Variants in WWOX observed in about 807,000 individuals in gnomAD.
WWOX encodes WW domain-containing oxidoreductase.
In WWOX, 69 loss-of-function variants were observed where a neutral mutation model predicts 46.2. The observed-to-expected ratio is 1.49, with a 90% CI of 1.23 to 1.82. The LOEUF (loss-of-function observed/expected upper bound fraction) is 1.82, where lower values mean the gene tolerates loss of function less well. Among genes scored for constraint, WWOX ranks in the 40% most tolerant of loss-of-function variants. WWOX has a pLI of 0.00. For missense variants in WWOX, 919 were observed against 542.6 expected, an observed-to-expected ratio of 1.69 and a Z score of -6.89; for synonymous variants, 359 against 202.6, an observed-to-expected ratio of 1.77 and a Z score of -6.56.
At chr16:78,435,978 T>C (rs1355421524) in intron 8 of WWOX, among the ~76,000 whole-genome samples, 2 of 152,208 alleles carry the variant, frequency 1.3e-5, no homozygotes, top group Non-Finnish European at 2.9e-5. Context: ...ATGTGGCTAA[T>C]AGAACTGAGG....
chr16:78,761,840 C>T (rs945408254), intron 8 of WWOX, among the ~76,000 whole-genome samples: 1 of 152,146 alleles, frequency 6.6e-6, no homozygotes, highest in Non-Finnish European at 1.5e-5. Context: ...GCTGACCCGA[C>T]ATAGACTAAC....
intron 8 of WWOX, among the ~76,000 whole-genome samples, chr16:78,841,194 C>G (rs550121460): frequency 1.3e-5 from 2 of 152,290 alleles, no homozygotes; most frequent in East Asian, 1.9e-4. Flanking sequence ...CAGGGGCCTT[C>G]TAAATCAAGG....
intron 8 of WWOX, among the ~76,000 whole-genome samples, chr16:78,550,113 A>C (rs1022375030): frequency 3.9e-5 from 6 of 152,186 alleles, no homozygotes; most frequent in Non-Finnish European, 5.9e-5. Flanking sequence ...AATCTTTAAA[A>C]ATTTCTTTGG....
chr16:78,755,137 G>C (rs113504215), intron 8 of WWOX, among the ~76,000 whole-genome samples: 1 of 150,272 alleles, frequency 6.7e-6, no homozygotes, highest in African/African-American at 2.5e-5. Flanking sequence ...GATAGGTGCA[G>C]CAAACCACCA....
intron 6 of WWOX, among the ~76,000 whole-genome samples, chr16:78,410,504 G>T (rs2082654522): frequency 6.6e-6 from 1 of 152,030 alleles, no homozygotes. Context: ...TCTTTCTTGG[G>T]CTGCAATCAA....
intron 5 of WWOX, among the ~76,000 whole-genome samples, chr16:78,342,520 G>A (rs2081035040): frequency 8.3e-6 from 1 of 120,138 alleles, no homozygotes; most frequent in African/African-American, 2.8e-5. Context: ...GTGAGTCCCT[G>A]GCCCCTATGT....
chr16:79,013,233 C>T (rs12598091), intron 8 of WWOX, among the ~76,000 whole-genome samples: 1 of 151,948 alleles, frequency 6.6e-6, no homozygotes, highest in Non-Finnish European at 1.5e-5. Flanking sequence ...TCTGTGCATC[C>T]TCCCACAGGG....
chr16:79,007,111 A>C (rs2047206769), intron 8 of WWOX, among the ~76,000 whole-genome samples: 1 of 152,208 alleles, frequency 6.6e-6, no homozygotes, highest in African/African-American at 2.4e-5. Context: ...GAGAGGTCAC[A>C]ATAGCAAATG....
At chr16:78,744,830 A>AC (rs755570980) in intron 8 of WWOX, among the ~76,000 whole-genome samples, 2 of 152,162 alleles carry the variant, frequency 1.3e-5, no homozygotes, top group Non-Finnish European at 2.9e-5. Context: ...TGGCCTGAAG[A>AC]CCCACATGGT....
chr16:78,169,930 A>G (rs2035100256), intron 5 of WWOX, among the ~76,000 whole-genome samples: 1 of 152,258 alleles, frequency 6.6e-6, no homozygotes, highest in Non-Finnish European at 1.5e-5. Context: ...TAGTATAGCG[A>G]GGGGCCCAAT....
At chr16:78,661,170 C>G (rs971647429) in intron 8 of WWOX, among the ~76,000 whole-genome samples, 3 of 152,242 alleles carry the variant, frequency 2.0e-5, no homozygotes, top group African/African-American at 7.2e-5. Flanking sequence ...ACTAAACTGT[C>G]CTCTAGAATG....
At chr16:78,935,904 C>A (rs868295104) in intron 8 of WWOX, among the ~76,000 whole-genome samples, 1 of 151,688 alleles carries the variant, frequency 6.6e-6, no homozygotes, top group Admixed American at 6.6e-5. Context: ...AGAGTGAGAC[C>A]CTGTCTCAAA....
intron 8 of WWOX, among the ~76,000 whole-genome samples, chr16:78,797,910 C>T (rs2050786188): frequency 6.6e-6 from 1 of 152,164 alleles, no homozygotes; most frequent in Non-Finnish European, 1.5e-5. Flanking sequence ...ATTGATTGAG[C>T]CCAAGAGGTC....
At chr16:78,600,302 G>C (rs189212032) in intron 8 of WWOX, among the ~76,000 whole-genome samples, 76 of 152,112 alleles carry the variant, frequency 5.0e-4, no homozygotes, top group Middle Eastern at 3.4e-3. Flanking sequence ...GTCACCTGTA[G>C]GTTACCGTAA....
chr16:78,600,016 G>C lies in WWOX; in HGVS notation c.1056+167264G>C, dbSNP rs141760782. Among the ~76,000 whole-genome samples the C allele has an allele frequency of 1.8e-4, 27 of 152,252 alleles. No homozygotes were observed. In the East Asian group the frequency reaches 4.6e-3, roughly 26 times the overall value. On this transcript the variant is annotated intron_variant, in intron 8 of 8. Coordinates refer to ENST00000566780, the MANE Select transcript of WWOX (RefSeq NM_016373.4). ...GTGGACTCACAGCTCCACATGGCTGGGGAGGCCTCACAACCATGGTGGAAG... is the reference window on the plus strand; with the variant it reads ...GTGGACTCACAGCTCCACATGGCTGCGGAGGCCTCACAACCATGGTGGAAG...
intron 8 of WWOX, among the ~76,000 whole-genome samples, chr16:79,165,164 A>C (rs1273067819): frequency 6.6e-6 from 1 of 151,896 alleles, no homozygotes; most frequent in African/African-American, 2.4e-5. Context: ...AAAAAAAAAA[A>C]AACTAGATAA....
intron 8 of WWOX, among the ~76,000 whole-genome samples, chr16:78,547,143 A>AC (rs1567635700): frequency 3.0e-3 from 140 of 47,246 alleles, no homozygotes; most frequent in Non-Finnish European, 7.1e-3. Flanking sequence ...AAAAAAAAAA[A>AC]AAAAAAAAAA....
At chr16:78,269,573 T>C (rs530714778) in intron 5 of WWOX, among the ~76,000 whole-genome samples, 10 of 152,320 alleles carry the variant, frequency 6.6e-5, no homozygotes, top group African/African-American at 2.4e-4. Flanking sequence ...CAGTCCGGCA[T>C]TGCCATCCTC....
rs1330915138 is a variant in WWOX, at chr16:78,506,728, T to TTTTTTTTG, written c.1056+73976_1056+73977insTTTTTTTG. On this transcript the variant is annotated intron_variant, in intron 8 of 8. Coordinates refer to ENST00000566780, the MANE Select transcript of WWOX (RefSeq NM_016373.4). Reference sequence around the variant, plus strand: ...TTTTTTTTTTTTTTTTTTTTTTTTTTGTACAGAGTCTTGCTCTGTTGTCCA... The same window carrying TTTTTTTTG: ...TTTTTTTTTTTTTTTTTTTTTTTTTTTTTTTTTGGTACAGAGTCTTGCTCTGTTGTCCA... 3.5e-4 allele frequency among the ~76,000 whole-genome samples: 33 copies of TTTTTTTTG among 93,612 alleles called. 2 individuals are homozygous for TTTTTTTTG. Among genetic ancestry groups the TTTTTTTTG allele is most frequent in the African/African-American group, 7.4e-4 (19 of 25,516 alleles). The allele number at this position is 93,612 out of a possible 152,430, so 61.4% of individuals were successfully genotyped here. A position where few individuals can be genotyped will look rare whatever the true frequency, so the allele number is the denominator to read the frequency against.
Sources: allele counts gnomAD v4.1 joint callset (sites outside exome capture counted in the v4.1 genomes callset), GRCh38; gene constraint gnomAD v4.1.1; transcripts MANE v1.5; gene names NCBI Gene and HGNC (gene_info 2026-07-23, HGNC 2026-07-21).